Variants in ASTN2 observed in about 807,000 individuals in gnomAD.
ASTN2 encodes astrotactin 2.
Under a neutral mutation model 139.8 loss-of-function variants are expected in ASTN2, and 54 were observed. The ratio of observed to expected loss-of-function variants is 0.39; its 90% CI spans 0.31 to 0.48. The LOEUF (loss-of-function observed/expected upper bound fraction) is 0.48. Ranked by LOEUF, ASTN2 falls within the 20% of genes least tolerant of loss-of-function variation. The pLI is 0.95. For missense variants in ASTN2, 1,565 were observed against 1,725.1 expected (o/e 0.91, Z 1.64); for synonymous variants, 756 against 719.5 (o/e 1.05, Z -0.81).
intron 8 of ASTN2, 39 bp from the exon 9 acceptor site, chr9:116,976,227 T>A (rs933422722): frequency 5.1e-6 from 8 of 1,577,894 alleles, no homozygotes; most frequent in Non-Finnish European, 7.0e-6. Flanking sequence ...ATGACATTAG[T>A]CAGAGGCAGG....
At chr9:116,686,711 G>A (rs1483542773) in intron 16 of ASTN2, 14 of 1,550,366 alleles carry the variant, frequency 9.0e-6, no homozygotes, top group Non-Finnish European at 1.2e-5. Context: ...AGTCTGCAGG[G>A]ACAGGGGCTG....
At chr9:116,831,055 A>C (rs112369223) in intron 11 of ASTN2, among the ~76,000 whole-genome samples, 2,185 of 152,192 alleles carry the variant, frequency 0.014, 14 homozygotes, top group African/African-American at 0.025. Flanking sequence ...ACATGGATAG[A>C]ACTGGAGGCC....
chr9:117,154,102 G>C (rs1351820591), intron 3 of ASTN2, among the ~76,000 whole-genome samples: 1 of 151,974 alleles, frequency 6.6e-6, no homozygotes, highest in Non-Finnish European at 1.5e-5. Flanking sequence ...TTAAACATAT[G>C]TAAGTCAACT....
chr9:116,871,224 C>G lies in ASTN2; in HGVS notation c.1890-7491G>C, dbSNP rs537127747. Among the ~76,000 whole-genome samples the G allele has an allele frequency of 6.6e-5, 10 of 152,254 alleles. No homozygotes were observed. The South Asian group carries it at 2.1e-3, about 32-fold the overall frequency. On this transcript the variant is annotated intron_variant, in intron 10 of 22. Transcript: ENST00000313400. ...AGTGAGCCGAGATCGTGCCACGGCA[C>G]TGCAGCCTGGGCAACAAAGCGAGAC... is the stretch of plus-strand genomic sequence containing the variant.
intron 1 of ASTN2, among the ~76,000 whole-genome samples, chr9:117,386,620 A>G (rs934727479): frequency 1.3e-5 from 2 of 152,138 alleles, no homozygotes; most frequent in African/African-American, 4.8e-5. Context: ...GGAGCTGGAA[A>G]GGGGCAGGTG....
At chr9:116,678,644 T>TA (rs1859649103) in intron 16 of ASTN2, among the ~76,000 whole-genome samples, 1 of 152,146 alleles carries the variant, frequency 6.6e-6, no homozygotes, top group African/African-American at 2.4e-5. Context: ...GTTGATCTTG[T>TA]AAAAAACATT....
At chr9:117,138,383 T>A (rs2132852176) in intron 4 of ASTN2, among the ~76,000 whole-genome samples, 1 of 152,206 alleles carries the variant, frequency 6.6e-6, no homozygotes, top group South Asian at 2.1e-4. Flanking sequence ...AGGAACAAGT[T>A]CTCAGATGCT....
At chr9:117,144,934 C>T (rs1395507223) in intron 3 of ASTN2, among the ~76,000 whole-genome samples, 2 of 151,962 alleles carry the variant, frequency 1.3e-5, no homozygotes, top group Non-Finnish European at 2.9e-5. Context: ...TGGCCTGCCT[C>T]AGCCTCTCAA....
At chr9:117,227,231 C>T (rs944670811) in intron 2 of ASTN2, among the ~76,000 whole-genome samples, 3 of 152,196 alleles carry the variant, frequency 2.0e-5, no homozygotes, top group African/African-American at 2.4e-5. Flanking sequence ...TCACCTTTGT[C>T]TCCATCACCA....
intron 15 of ASTN2, among the ~76,000 whole-genome samples, chr9:116,727,013 AACACACACAC>A (rs34050784): frequency 0.13 from 18,813 of 144,424 alleles, 1,356 homozygotes; most frequent in South Asian, 0.29. Flanking sequence ...CACTACACTC[AACACACACAC>A]ACACACACAC....
intron 5 of ASTN2, among the ~76,000 whole-genome samples, chr9:117,050,375 T>C (rs375885266): frequency 6.6e-6 from 1 of 152,132 alleles, no homozygotes; most frequent in African/African-American, 2.4e-5. Flanking sequence ...GAGAATAACA[T>C]TGATTGTGTA....
chr9:116,653,573 G>A (rs1384523087), intron 16 of ASTN2, among the ~76,000 whole-genome samples: 2 of 152,166 alleles, frequency 1.3e-5, no homozygotes, highest in Non-Finnish European at 2.9e-5. Flanking sequence ...AAGAGACAGA[G>A]CTTAATCCAT....
intron 3 of ASTN2, chr9:117,181,115 T>G: frequency 1.1e-6 from 1 of 900,442 alleles, no homozygotes; most frequent in Non-Finnish European, 1.8e-6. Flanking sequence ...ACAGGCTGCA[T>G]ACACTACCAA....
chr9:117,022,499 T>G (rs897830107), intron 6 of ASTN2, among the ~76,000 whole-genome samples: 1 of 152,082 alleles, frequency 6.6e-6, no homozygotes, highest in African/African-American at 2.4e-5. Flanking sequence ...GCTGATGTGT[T>G]CCTCTTTGAA....
intron 12 of ASTN2, among the ~76,000 whole-genome samples, chr9:116,817,803 G>C (rs1242883708): frequency 6.6e-6 from 1 of 152,194 alleles, no homozygotes; most frequent in Non-Finnish European, 1.5e-5. Flanking sequence ...GACAGCTCCT[G>C]TGCATGTATA....
At chr9:116,995,438 A>G (rs1015041930) in intron 7 of ASTN2, among the ~76,000 whole-genome samples, 8 of 152,212 alleles carry the variant, frequency 5.3e-5, no homozygotes, top group African/African-American at 1.9e-4. Context: ...TCAATATTTC[A>G]TCTTTCATGT....
rs549657082 is a variant in ASTN2, at chr9:116,609,326, C to CTATATATATA, written c.3355+8997_3355+8998insTATATATATA. Among the ~76,000 whole-genome samples, 742 of 113,574 alleles carry CTATATATATA rather than the reference C, an allele frequency of 6.5e-3. 6 individuals are homozygous for CTATATATATA. The highest frequency in any genetic ancestry group is 0.023 in the African/African-American group (711 of 30,914). The allele number at this position is 113,574 out of a possible 152,430, so 74.5% of individuals were successfully genotyped here. ...TCTCTCTCTCTCTCTCTCTCTCTCT[C>CTATATATATA]TCTATATATATATACACACACACAC... is the stretch of plus-strand genomic sequence containing the variant. On this transcript the variant is annotated intron_variant, in intron 19 of 22. Coordinates refer to ENST00000313400, the MANE Select transcript of ASTN2 (RefSeq NM_001365068.1).
At chr9:116,808,328 A>C (rs972194023) in intron 12 of ASTN2, among the ~76,000 whole-genome samples, 9 of 151,250 alleles carry the variant, frequency 6.0e-5, no homozygotes, top group Admixed American at 4.0e-4. Flanking sequence ...TGTATACAGA[A>C]ACATTTCTTT....
At chr9:117,384,658 A>C (rs996648432) in intron 1 of ASTN2, among the ~76,000 whole-genome samples, 2 of 152,180 alleles carry the variant, frequency 1.3e-5, no homozygotes, top group Non-Finnish European at 2.9e-5. Flanking sequence ...TGACTGTGAC[A>C]ATCTTGAAAG....
Sources: gnomAD v4.1 joint callset for allele counts (sites outside exome capture counted in the v4.1 genomes callset) on GRCh38, gnomAD v4.1.1 for gene constraint, MANE v1.5 for transcripts, NCBI Gene and HGNC (gene_info 2026-07-23, HGNC 2026-07-21) for gene names.